The following GAP43 variants were observed in gnomAD, a reference collection of about 807,000 sequenced individuals.
The protein encoded by GAP43 is neuromodulin.
In GAP43, 6 loss-of-function variants were observed where a neutral mutation model predicts 18.6. The ratio of observed to expected loss-of-function variants is 0.32; its 90% CI spans 0.18 to 0.64. The LOEUF is 0.64. Ranked by LOEUF, GAP43 falls within the 30% of genes least tolerant of loss-of-function variation. The pLI, the probability that GAP43 is intolerant of heterozygous loss-of-function variation, is 0.78. For synonymous variants in GAP43, 115 were observed against 111.4 expected, an observed-to-expected ratio of 1.03 and a Z score of -0.20; for missense variants, 292 against 295.5, an observed-to-expected ratio of 0.99 and a Z score of 0.09.
At chr3:115,699,172 A>G (rs541513671) in intron 2 of GAP43, among the ~76,000 whole-genome samples, 1 of 152,306 alleles carries the variant, frequency 6.6e-6, no homozygotes, top group East Asian at 1.9e-4. Context: ...TACCTCCGCT[A>G]TTCATCTTGA....
intron 2 of GAP43, among the ~76,000 whole-genome samples, chr3:115,682,053 G>A: frequency 6.6e-6 from 1 of 152,322 alleles, no homozygotes; most frequent in South Asian, 2.1e-4. Context: ...GGATATTCCA[G>A]ACTCTTGTCT....
intron 1 of GAP43, among the ~76,000 whole-genome samples, chr3:115,654,265 A>G (rs556622955): frequency 6.6e-5 from 10 of 152,362 alleles, no homozygotes; most frequent in South Asian, 2.1e-4. Context: ...CTCAATTTCA[A>G]TATAAACTTA....
intron 1 of GAP43, among the ~76,000 whole-genome samples, chr3:115,634,885 A>G (rs1267594746): frequency 6.6e-6 from 1 of 152,072 alleles, no homozygotes; most frequent in African/African-American, 2.4e-5. Context: ...GGTTGTCCAG[A>G]CTCTTACTAA....
Position 115,623,539 on chromosome 3 carries a change from T to TGAGGGAGAGAGAGGGAGG in GAP43, c.-137_-120dup. The TGAGGGAGAGAGAGGGAGG allele has an allele frequency of 7.2e-6, 6 of 828,650 alleles. No homozygotes were observed. Among genetic ancestry groups the TGAGGGAGAGAGAGGGAGG allele is most frequent in the Admixed American group, 2.1e-5 (1 of 46,764 alleles). The allele number at this position is 828,650 out of a possible 1,614,324, so 51.3% of individuals were successfully genotyped here. A position where few individuals can be genotyped will look rare whatever the true frequency, so the allele number is the denominator to read the frequency against. Reference sequence around the variant, plus strand: ...TTGCTGCTAACTGCCCTGGTGTGTGTGAGGGAGAGAGAGGGAGGGAGGGAG... The same window carrying TGAGGGAGAGAGAGGGAGG: ...TTGCTGCTAACTGCCCTGGTGTGTGTGAGGGAGAGAGAGGGAGGGAGGGAGAGAGAGGGAGGGAGGGAG... On this transcript the variant is annotated 5_prime_UTR_variant, in exon 1 of 3. Coordinates refer to ENST00000305124, the MANE Select transcript of GAP43 (RefSeq NM_002045.4).
At chr3:115,704,487 G>A (rs769682176) in intron 2 of GAP43, among the ~76,000 whole-genome samples, 3 of 151,960 alleles carry the variant, frequency 2.0e-5, no homozygotes, top group Non-Finnish European at 2.9e-5. Context: ...TTCACCTCCC[G>A]CAATTTGAAC....
intron 2 of GAP43, among the ~76,000 whole-genome samples, chr3:115,687,283 T>C (rs2107355789): frequency 6.6e-6 from 1 of 152,324 alleles, no homozygotes; most frequent in Non-Finnish European, 1.5e-5. Context: ...TAAGCTGATC[T>C]TCACAATGAG....
At chr3:115,638,184 G>A (rs550674768) in intron 1 of GAP43, among the ~76,000 whole-genome samples, 3 of 152,020 alleles carry the variant, frequency 2.0e-5, no homozygotes, top group Admixed American at 6.6e-5. Flanking sequence ...TTTGAAAAGC[G>A]TCTATAAGAT....
chr3:115,673,270 CCCTTTCTTTAT>C (rs1708837714), intron 1 of GAP43, among the ~76,000 whole-genome samples: 2 of 152,042 alleles, frequency 1.3e-5, no homozygotes, highest in African/African-American at 4.8e-5. Flanking sequence ...AAATTGAGAG[CCCTTTCTTTAT>C]CCTTGTAGTT....
At chr3:115,636,785 AGT>A in intron 1 of GAP43, among the ~76,000 whole-genome samples, 1 of 151,970 alleles carries the variant, frequency 6.6e-6, no homozygotes, top group Non-Finnish European at 1.5e-5. Context: ...CTTATCTCCT[AGT>A]GGCTCTGGCA....
intron 2 of GAP43, among the ~76,000 whole-genome samples, chr3:115,714,147 TAGTA>T (rs1709473288): frequency 1.3e-5 from 2 of 152,218 alleles, no homozygotes; most frequent in Admixed American, 1.3e-4. Flanking sequence ...TGTATGGACA[TAGTA>T]AGACATAATT....
Position 115,720,777 on chromosome 3 carries a change from C to T in GAP43, c.629-17C>T. ...TTCTCTCCTTTTCCCCCCATCCTAT[C>T]TTGTTTTCTTTCTCAGAAGCTGTAG... On this transcript the variant is annotated splice_polypyrimidine_tract_variant and intron_variant, in intron 2 of 2. Transcript: ENST00000305124. 1 of 1,590,356 alleles carries T rather than the reference C, an allele frequency of 6.3e-7. No individual in the cohort carries two copies. Among genetic ancestry groups the T allele is most frequent in the Non-Finnish European group, 8.6e-7 (1 of 1,159,510 alleles).
chr3:115,699,402 T>G (rs1002463021), intron 2 of GAP43, among the ~76,000 whole-genome samples: 1 of 152,184 alleles, frequency 6.6e-6, no homozygotes, highest in African/African-American at 2.4e-5. Context: ...CCAGATCTCC[T>G]GAGAGTCGTT....
At chr3:115,663,932 A>T in intron 1 of GAP43, 1 of 1,551,500 alleles carries the variant, frequency 6.4e-7, no homozygotes, top group Non-Finnish European at 8.7e-7. Flanking sequence ...TTTACCTCAC[A>T]TGTAACCTAT....
At chr3:115,646,866 C>T (rs1453302769) in intron 1 of GAP43, among the ~76,000 whole-genome samples, 3 of 151,964 alleles carry the variant, frequency 2.0e-5, no homozygotes, top group African/African-American at 4.8e-5. Context: ...TATTAAGTAT[C>T]TCTTTTCAGG....
intron 1 of GAP43, among the ~76,000 whole-genome samples, chr3:115,661,520 G>A (rs775743632): frequency 2.6e-5 from 4 of 152,074 alleles, no homozygotes; most frequent in East Asian, 1.9e-4. Context: ...GAGGAATCTC[G>A]CTCTGTCGCC....
intron 2 of GAP43, among the ~76,000 whole-genome samples, chr3:115,683,147 G>GCGCGCGCGCACACA (rs1252333447): frequency 2.6e-4 from 33 of 127,440 alleles, no homozygotes; most frequent in African/African-American, 6.0e-4. Flanking sequence ...GCGCGCGCGC[G>GCGCGCGCGCACACA]CACACACACA....
intron 1 of GAP43, among the ~76,000 whole-genome samples, chr3:115,673,125 A>G (rs1708836102): frequency 1.3e-5 from 2 of 152,148 alleles, no homozygotes; most frequent in African/African-American, 4.8e-5. Context: ...ACCCTAGTCT[A>G]GTCTTAGCCT....
At chr3:115,687,348 A>G (rs2107355854) in intron 2 of GAP43, among the ~76,000 whole-genome samples, 1 of 152,310 alleles carries the variant, frequency 6.6e-6, no homozygotes, top group Admixed American at 6.5e-5. Context: ...ATTACTTATA[A>G]GGTCAACAGA....
intron 2 of GAP43, among the ~76,000 whole-genome samples, chr3:115,720,319 C>A (rs1709560040): frequency 6.6e-6 from 1 of 152,140 alleles, no homozygotes; most frequent in African/African-American, 2.4e-5. Flanking sequence ...CTAGCACTGT[C>A]CCACAGGAGC....
Sources: allele counts gnomAD v4.1 joint callset (sites outside exome capture counted in the v4.1 genomes callset), GRCh38; gene constraint gnomAD v4.1.1; transcripts MANE v1.5; gene names NCBI Gene and HGNC (gene_info 2026-07-23, HGNC 2026-07-21).